The following TRAPPC8 variants were observed in gnomAD, a reference collection of about 807,000 sequenced individuals.
TRAPPC8 encodes the protein general sporulation gene 1 homolog.
TRAPPC8 carries 54 observed loss-of-function variants against 174.3 expected under a neutral mutation model. The ratio of observed to expected loss-of-function variants is 0.31; its 90% CI spans 0.25 to 0.39. The LOEUF is 0.39. Ranked by LOEUF, TRAPPC8 falls within the 10% of genes least tolerant of loss-of-function variation. The pLI, the probability that TRAPPC8 is intolerant of heterozygous loss-of-function variation, is 1.00. For missense variants in TRAPPC8, 1,531 were observed against 1,699.1 expected (o/e 0.90, Z 1.74); for synonymous variants, 630 against 579.9 (o/e 1.09, Z -1.24).
chr18:31,873,315 G>T, intron 14 of TRAPPC8, 115 bp downstream of exon 14: 1 of 867,204 alleles, frequency 1.2e-6, no homozygotes, highest in Non-Finnish European at 1.8e-6. Context: ...ATCGTACCCG[G>T]CTGAGCTATT....
At chr18:31,935,548 TAAAAAAA>T (rs10650702) in intron 1 of TRAPPC8, among the ~76,000 whole-genome samples, 5 of 46,286 alleles carry the variant, frequency 1.1e-4, no homozygotes, top group African/African-American at 3.3e-4. Flanking sequence ...AACTCCATCT[TAAAAAAA>T]AAAAAAAAAA....
chr18:31,851,257 T>A (rs899567265), intron 24 of TRAPPC8, among the ~76,000 whole-genome samples: 4 of 152,150 alleles, frequency 2.6e-5, no homozygotes, highest in African/African-American at 9.7e-5. Context: ...TTAAAATGCA[T>A]ACTCCCAAAG....
At position 31,908,774 on chromosome 18, in the gene TRAPPC8, T is replaced by G. The variant is rs1432362778; in HGVS notation, c.1102A>C (p.Ile368Leu). ...RGLLPHIEKT[I>L]RQLNDQLISR... ...CTTACCTGATCGTTTAATTGCCTAA[T>G]TGTTTTCTCTATATGTGGCAAAAGG... Residue 368 changes from isoleucine (I) to leucine (L), a missense_variant, in exon 7 of 29, where the codon ATT (isoleucine) becomes CTT (leucine). Ile to Leu is a conservative substitution (Grantham distance 5, BLOSUM62 2). Coordinates refer to ENST00000283351, the MANE Select transcript of TRAPPC8 (RefSeq NM_014939.5). 3.2e-5 allele frequency: 51 copies of G among 1,604,530 alleles called. No individual in the cohort carries two copies. The highest frequency in any genetic ancestry group is 4.3e-5 in the Non-Finnish European group (51 of 1,173,914).
chr18:31,841,893 AAACT>A (rs1349304440), intron 26 of TRAPPC8, among the ~76,000 whole-genome samples: 1 of 152,226 alleles, frequency 6.6e-6, no homozygotes, highest in African/African-American at 2.4e-5. Flanking sequence ...TTAAAAAAAT[AAACT>A]ATCTCAGACT....
rs2037884820 is a variant in TRAPPC8 at position 31,932,375 on chromosome 18, C to T, written c.158-852G>A. Among the ~76,000 whole-genome samples, 3 of 150,688 alleles carry T rather than the reference C, an allele frequency of 2.0e-5. No individual in the cohort carries two copies. The South Asian group carries it at 6.3e-4, about 32-fold the overall frequency. On this transcript the variant is annotated intron_variant, in intron 1 of 28. Transcript: ENST00000283351. ...CCGGGAGGCGGAGGTTGCAGCGAGC[C>T]GAGATTGCACTGCTGCACTCTAGCT...
intron 26 of TRAPPC8, among the ~76,000 whole-genome samples, chr18:31,840,444 A>T (rs2033028840): frequency 6.6e-6 from 1 of 152,120 alleles, no homozygotes; most frequent in South Asian, 2.1e-4. Flanking sequence ...GTAGAGAAAC[A>T]TCCCATTTCT....
At chr18:31,877,158 G>T (rs1373505324) in intron 12 of TRAPPC8, among the ~76,000 whole-genome samples, 1 of 152,166 alleles carries the variant, frequency 6.6e-6, no homozygotes, top group Non-Finnish European at 1.5e-5. Flanking sequence ...TCGCTGAAGT[G>T]GGCAGCCCCA....
intron 13 of TRAPPC8, 37 bp downstream of exon 13, chr18:31,874,442 GT>G (rs1443357532): frequency 6.4e-7 from 1 of 1,555,880 alleles, no homozygotes. Context: ...CTAAAATACA[GT>G]TTTAATATCT....
chr18:31,917,834 G>A (rs553621302), intron 2 of TRAPPC8, among the ~76,000 whole-genome samples, 167 bp from the exon 3 acceptor site: 12 of 152,246 alleles, frequency 7.9e-5, no homozygotes, highest in African/African-American at 2.6e-4. Flanking sequence ...TATATAAAAT[G>A]TGTATAGGGC....
chr18:31,933,300 CAAAAAAAAAA>C (rs770309579), intron 1 of TRAPPC8, among the ~76,000 whole-genome samples: 2 of 91,608 alleles, frequency 2.2e-5, no homozygotes, highest in Non-Finnish European at 4.4e-5. Context: ...GACTCCGTCT[CAAAAAAAAAA>C]AAAAAAAAAA....
At position 31,855,822 on chromosome 18, in the gene TRAPPC8, A is replaced by AAAAAAAAAAAGC; in HGVS notation, c.3189-16_3189-15insGCTTTTTTTTTT. ...ATATTCTGTGCCTGAAGTTAAAAAA[A>AAAAAAAAAAAGC]AAAAAAAAAGCACATTTAAGCACAG... On this transcript the variant is annotated splice_polypyrimidine_tract_variant and intron_variant, in intron 20 of 28. Transcript: ENST00000283351. 6.3e-7 allele frequency: 1 copy of AAAAAAAAAAAGC among 1,581,552 alleles called. No homozygotes were observed. The highest frequency in any genetic ancestry group is 8.5e-7 in the Non-Finnish European group (1 of 1,171,926).
intron 26 of TRAPPC8, among the ~76,000 whole-genome samples, chr18:31,843,337 T>C (rs1443498291): frequency 6.6e-6 from 1 of 152,196 alleles, no homozygotes; most frequent in Non-Finnish European, 1.5e-5. Context: ...TTACGTGAAC[T>C]TCATATGTAG....
intron 14 of TRAPPC8, among the ~76,000 whole-genome samples, chr18:31,872,218 G>T (rs2145205761): frequency 6.6e-6 from 1 of 152,020 alleles, no homozygotes; most frequent in South Asian, 2.1e-4. Flanking sequence ...TTCTGTTTCT[G>T]AGTTATTTAA....
chr18:31,927,805 T>A (rs2037681903), intron 2 of TRAPPC8, among the ~76,000 whole-genome samples: 1 of 152,188 alleles, frequency 6.6e-6, no homozygotes, highest in Non-Finnish European at 1.5e-5. Flanking sequence ...ATTCCTGTCA[T>A]CTCAGCACTT....
chr18:31,908,643 T>C (rs936922074), intron 7 of TRAPPC8, 111 bp downstream of exon 7: 8 of 1,182,146 alleles, frequency 6.8e-6, no homozygotes, highest in African/African-American at 1.5e-5. Context: ...AGTCTTAATA[T>C]TGGCCTATCT....
rs924226480 is a variant in TRAPPC8 at position 31,864,644 on chromosome 18, C to T, written c.2728G>A (p.Glu910Lys). The change falls in exon 19 of 29, where the codon GAA (glutamate) becomes AAA (lysine). Residue 910 changes from glutamate to lysine, a missense_variant. Physicochemically the swap from Glu to Lys is moderately conservative, Grantham distance 56 (BLOSUM62 1). Transcript: ENST00000283351. The stretch of plus-strand genomic sequence containing the variant: ...TGAAATACCTCCAACAGTGGCATTT[C>T]TTCTGTGATTATGGGATCTAAACGT... ...DRRLDPIITE[E>K]MPLLEVFFIH... 1.2e-6 allele frequency: 2 copies of T among 1,611,754 alleles called. No individual in the cohort carries two copies. Among genetic ancestry groups the T allele is most frequent in the African/African-American group, 2.7e-5 (2 of 74,786 alleles).
At chr18:31,863,829 T>C (rs2034451029) in intron 19 of TRAPPC8, among the ~76,000 whole-genome samples, 2 of 151,958 alleles carry the variant, frequency 1.3e-5, no homozygotes, top group South Asian at 2.1e-4. Flanking sequence ...TTCTAGAAAC[T>C]TGAAATTTGA....
chr18:31,874,503 T>C lies in TRAPPC8; in HGVS notation c.1930A>G (p.Arg644Gly). The C allele has an allele frequency of 6.2e-7, 1 of 1,614,128 alleles. No homozygotes were observed. Among genetic ancestry groups the C allele is most frequent in the Non-Finnish European group, 8.5e-7 (1 of 1,179,994 alleles). The change falls in exon 13 of 29, where the codon AGA becomes GGA. Residue 644 changes from arginine to glycine, a missense_variant. Coordinates refer to ENST00000283351, the MANE Select transcript of TRAPPC8 (RefSeq NM_014939.5). ...ACCTTGTAAACATAAAGATATTCTC[T>C]GAGGAAAGCCCCCTGTTGAGCAGCA... ...QSAAQQGAFLREYLYVYKNVS... is the reference protein window; with the variant it reads ...QSAAQQGAFLGEYLYVYKNVS...
rs544333020 is a variant in TRAPPC8, at chr18:31,906,607, C to A, written c.1389+853G>T. Among the ~76,000 whole-genome samples the A allele has an allele frequency of 4.6e-5, 7 of 152,172 alleles. No homozygotes were observed. The South Asian group carries it at 1.5e-3, about 32-fold the overall frequency. On this transcript the variant is annotated intron_variant, in intron 9 of 28. Coordinates refer to ENST00000283351, the MANE Select transcript of TRAPPC8 (RefSeq NM_014939.5). ...TTTTAAAAGATTAAATAAAAAGTAA[C>A]AGTGCTAATTTTACTCTTTTCTGAA...
Sources: gnomAD v4.1 joint callset for allele counts (sites outside exome capture counted in the v4.1 genomes callset) on GRCh38, gnomAD v4.1.1 for gene constraint, MANE v1.5 for transcripts, NCBI Gene and HGNC (gene_info 2026-07-23, HGNC 2026-07-21) for gene names.